The following NDUFC1 variants were observed in gnomAD, a reference collection of about 807,000 sequenced individuals.
The protein encoded by NDUFC1 is NADH:ubiquinone oxidoreductase subunit C1.
Under a neutral mutation model 11.6 loss-of-function variants are expected in NDUFC1, and 11 were observed. The observed-to-expected ratio is 0.95, with a 90% CI of 0.60 to 1.58. NDUFC1 has a LOEUF of 1.58. Ranked by LOEUF, NDUFC1 falls within the 40% of genes most tolerant of loss-of-function variation. NDUFC1 has a pLI of 0.00. For missense variants in NDUFC1, 112 were observed against 93.0 expected (o/e 1.20, Z -0.84); for synonymous variants, 52 against 42.2 (o/e 1.23, Z -0.90).
intron 1 of NDUFC1, chr4:139,300,641 C>T (rs1028980629): frequency 6.6e-6 from 1 of 152,300 alleles, no homozygotes; most frequent in Non-Finnish European, 1.5e-5. Context: ...AGTCTGACCT[C>T]GCCTACTCGA....
At chr4:139,295,619 A>G in intron 3 of NDUFC1, 113 bp downstream of exon 3, 1 of 1,176,716 alleles carries the variant, frequency 8.5e-7, no homozygotes, top group Non-Finnish European at 1.2e-6. Context: ...CTGCCGGCGA[A>G]GGTCACTGCA....
intron 1 of NDUFC1, chr4:139,301,144 C>G (rs1579070695): frequency 5.9e-6 from 1 of 170,144 alleles, no homozygotes; most frequent in South Asian, 2.0e-4. Context: ...CAGCGCTTCT[C>G]AAACACCTAC....
intron 3 of NDUFC1, 63 bp downstream of exon 3, chr4:139,295,669 C>T: frequency 1.3e-6 from 2 of 1,496,714 alleles, no homozygotes; most frequent in Non-Finnish European, 1.8e-6. Flanking sequence ...CACCCGTGGG[C>T]TGGGTCCGCC....
intron 4 of NDUFC1, 24 bp downstream of exon 4, chr4:139,295,019 G>T: frequency 1.3e-6 from 2 of 1,573,840 alleles, no homozygotes; most frequent in South Asian, 2.2e-5. Context: ...GTAGTCTCAC[G>T]ACATCCGGGA....
Position 139,295,793 on chromosome 4 carries a change from C to T in NDUFC1, c.6G>A (p.Ala2=). ...AAAGGGGACGCAGCAAGGCGGACGG[C>T]GCCATCTTGCGTGGCCCAGCTCAGT... is the stretch of plus-strand genomic sequence containing the variant. M[A]PSALLRPLSR... is the part of the protein sequence containing the mutation. The change falls in exon 3 of 6, where the codon GCG becomes GCA. Residue 2 remains alanine, a synonymous_variant. Coordinates refer to ENST00000394223, the MANE Select transcript of NDUFC1 (RefSeq NM_001184989.2). The T allele has an allele frequency of 1.2e-5, 19 of 1,544,342 alleles. No individual in the cohort carries two copies. The highest frequency in any genetic ancestry group is 1.7e-5 in the Non-Finnish European group (19 of 1,145,782).
At chr4:139,300,234 A>C (rs1745652565) in intron 1 of NDUFC1, among the ~76,000 whole-genome samples, 1 of 152,220 alleles carries the variant, frequency 6.6e-6, no homozygotes, top group Admixed American at 6.5e-5. Context: ...GAATTTAAGG[A>C]AACTCCAGGA....
At chr4:139,292,341 C>CCA (rs1560938583) in intron 5 of NDUFC1, among the ~76,000 whole-genome samples, 189 bp downstream of exon 5, 1 of 149,878 alleles carries the variant, frequency 6.7e-6, no homozygotes, top group African/African-American at 2.5e-5. Context: ...AAAACCCCAT[C>CCA]CCCCCCAAAA....
At chr4:139,292,269 T>C (rs1284878373) in intron 5 of NDUFC1, among the ~76,000 whole-genome samples, 2 of 151,750 alleles carry the variant, frequency 1.3e-5, no homozygotes, top group Non-Finnish European at 2.9e-5. Context: ...TTTCAGAAGC[T>C]GAGGCAAGGA....
chr4:139,301,470 A>G (rs146724433), intron 1 of NDUFC1: 219 of 457,656 alleles, frequency 4.8e-4, no homozygotes, highest in Non-Finnish European at 7.2e-4. Flanking sequence ...AGGAAGCGTG[A>G]CCCGGGTGGG....
intron 4 of NDUFC1, among the ~76,000 whole-genome samples, chr4:139,294,110 T>C (rs572529328): frequency 6.3e-4 from 95 of 151,730 alleles, no homozygotes; most frequent in Middle Eastern, 3.4e-3. Flanking sequence ...CCTGGCTAAT[T>C]TTTTTTGTAT....
chr4:139,297,002 A>G (rs1271843400), intron 2 of NDUFC1, among the ~76,000 whole-genome samples: 2 of 152,180 alleles, frequency 1.3e-5, no homozygotes, highest in Non-Finnish European at 2.9e-5. Flanking sequence ...ATGGTGGCTA[A>G]ATGGATTGCT....
intron 1 of NDUFC1, among the ~76,000 whole-genome samples, chr4:139,299,712 T>A (rs1745624883): frequency 6.6e-6 from 1 of 152,208 alleles, no homozygotes; most frequent in Admixed American, 6.5e-5. Context: ...TGAATCAGAC[T>A]AGTATTTGCC....
At chr4:139,299,420 T>G (rs982986163) in intron 1 of NDUFC1, among the ~76,000 whole-genome samples, 3 of 152,172 alleles carry the variant, frequency 2.0e-5, no homozygotes, top group African/African-American at 7.2e-5. Flanking sequence ...TTCTTTTTGG[T>G]TAATATTTTT....
At chr4:139,290,317 C>CTTTTT (rs1248275815) in intron 5 of NDUFC1, among the ~76,000 whole-genome samples, 2 of 124,384 alleles carry the variant, frequency 1.6e-5, no homozygotes, top group African/African-American at 3.1e-5. Flanking sequence ...ATTTTTACCT[C>CTTTTT]TTTTTTTTTT....
At chr4:139,298,027 C>A (rs886537335) in intron 1 of NDUFC1, among the ~76,000 whole-genome samples, 1 of 151,762 alleles carries the variant, frequency 6.6e-6, no homozygotes, top group Admixed American at 6.6e-5. Context: ...CAAGACTCTG[C>A]CACTGTACTC....
intron 1 of NDUFC1, among the ~76,000 whole-genome samples, chr4:139,299,542 A>G (rs1049371754): frequency 2.6e-5 from 4 of 152,172 alleles, no homozygotes; most frequent in African/African-American, 9.7e-5. Context: ...AACTTTCTGA[A>G]AGCATGGCTG....
At chr4:139,294,030 C>T (rs1745349634) in intron 4 of NDUFC1, among the ~76,000 whole-genome samples, 1 of 149,930 alleles carries the variant, frequency 6.7e-6, no homozygotes, top group South Asian at 2.1e-4. Context: ...CAAGCTCCAC[C>T]TCCCGGGTTC....
intron 1 of NDUFC1, chr4:139,301,979 T>A (rs1745781566): frequency 1.7e-5 from 14 of 827,270 alleles, no homozygotes; most frequent in South Asian, 3.8e-5. Flanking sequence ...ATTGCTTTGC[T>A]CCCTCTCTGT....
intron 1 of NDUFC1, among the ~76,000 whole-genome samples, chr4:139,298,752 C>T (rs1293523884): frequency 1.3e-5 from 2 of 151,704 alleles, no homozygotes; most frequent in Non-Finnish European, 2.9e-5. Flanking sequence ...CAGCTCACTG[C>T]AGTCTCGACC....
Sources: gnomAD v4.1 joint callset for allele counts (sites outside exome capture counted in the v4.1 genomes callset) on GRCh38, gnomAD v4.1.1 for gene constraint, MANE v1.5 for transcripts, NCBI Gene and HGNC (gene_info 2026-07-23, HGNC 2026-07-21) for gene names.